Variants in BMERB1 observed in about 807,000 individuals in gnomAD.
The protein encoded by BMERB1 is bMERB domain-containing protein 1.
BMERB1 carries 12 observed loss-of-function variants against 23.6 expected under a neutral mutation model. The observed-to-expected ratio is 0.51, with a 90% CI of 0.33 to 0.82. The LOEUF is 0.82. Among genes scored for constraint, BMERB1 ranks in the 40% least tolerant of loss-of-function variants. The pLI, the probability that BMERB1 is intolerant of heterozygous loss-of-function variation, is 0.03. For synonymous variants in BMERB1, 122 were observed against 96.6 expected, an observed-to-expected ratio of 1.26 and a Z score of -1.54; for missense variants, 247 against 255.4, an observed-to-expected ratio of 0.97 and a Z score of 0.22.
chr16:15,481,740 G>T lies in BMERB1; in HGVS notation c.107-33565G>T, dbSNP rs1432497039. Among the ~76,000 whole-genome samples the T allele has an allele frequency of 4.1e-3, 472 of 114,504 alleles. 3 individuals carry two copies. Among genetic ancestry groups the T allele is most frequent in the African/African-American group, 0.012 (351 of 28,924 alleles). The allele number at this position is 114,504 out of a possible 152,430, so 75.1% of individuals were successfully genotyped here. ...TTTCTTTTCTTTCTTTTTTTTTTTT[G>T]AGATGGAGTCTCTCTCTGTCCCTCA... is the stretch of plus-strand genomic sequence containing the variant. On this transcript the variant is annotated intron_variant, in intron 1 of 5. Transcript: ENST00000300006.
intron 2 of BMERB1, among the ~76,000 whole-genome samples, chr16:15,567,143 A>G (rs2030591733): frequency 1.3e-5 from 2 of 152,138 alleles, no homozygotes; most frequent in South Asian, 2.1e-4. Flanking sequence ...GTAAGCTATG[A>G]TCACGCCACT....
intron 1 of BMERB1, among the ~76,000 whole-genome samples, 183 bp downstream of exon 1, chr16:15,434,942 G>A (rs367708384): frequency 6.6e-6 from 1 of 152,240 alleles, no homozygotes; most frequent in African/African-American, 2.4e-5. Flanking sequence ...CGAACAAAAG[G>A]GGGGGACCCT....
intron 2 of BMERB1, among the ~76,000 whole-genome samples, chr16:15,516,148 G>A (rs930327202): frequency 6.6e-6 from 1 of 152,126 alleles, no homozygotes. Flanking sequence ...TTAAGGCCAG[G>A]TGCAGTGGCT....
At chr16:15,436,956 A>T (rs1003373356) in intron 1 of BMERB1, among the ~76,000 whole-genome samples, 1 of 152,110 alleles carries the variant, frequency 6.6e-6, no homozygotes, top group South Asian at 2.1e-4. Flanking sequence ...AAAATAAAAA[A>T]TTTAAATATA....
chr16:15,502,410 C>G (rs1348876749), intron 1 of BMERB1: 1 of 1,500,066 alleles, frequency 6.7e-7, no homozygotes, highest in Non-Finnish European at 9.1e-7. Flanking sequence ...GTGGCATCCT[C>G]TCCACGAGGC....
chr16:15,549,657 G>C (rs1036322385), intron 2 of BMERB1, among the ~76,000 whole-genome samples: 1 of 150,362 alleles, frequency 6.7e-6, no homozygotes, highest in African/African-American at 2.5e-5. Flanking sequence ...CCATCCTGGC[G>C]ACAGAGTGAG....
intron 1 of BMERB1, among the ~76,000 whole-genome samples, chr16:15,439,886 A>T (rs566656266): frequency 6.6e-6 from 1 of 152,254 alleles, no homozygotes; most frequent in African/African-American, 2.4e-5. Context: ...TTAAAGGATG[A>T]TCAAGATTTT....
chr16:15,555,195 C>A (rs537740838), intron 2 of BMERB1, among the ~76,000 whole-genome samples: 91 of 152,204 alleles, frequency 6.0e-4, no homozygotes, highest in African/African-American at 2.0e-3. Context: ...CCTACCTCAG[C>A]CTCTCTGGTA....
At chr16:15,566,366 C>G (rs934045416) in intron 2 of BMERB1, among the ~76,000 whole-genome samples, 3 of 152,180 alleles carry the variant, frequency 2.0e-5, no homozygotes, top group Admixed American at 6.5e-5. Context: ...TTGGAAATTC[C>G]TACTACAATG....
rs972687417 is a variant in BMERB1 at position 15,468,943 on chromosome 16, C to T, written c.106+34184C>T. ...ATTGTTTGTTGAAAAGGCTTGACTTCCTCCAATAAATCATCTTCACACTTT... is the reference window on the plus strand; with the variant it reads ...ATTGTTTGTTGAAAAGGCTTGACTTTCTCCAATAAATCATCTTCACACTTT... On this transcript the variant is annotated intron_variant, in intron 1 of 5. Transcript: ENST00000300006. Among the ~76,000 whole-genome samples, 13 of 149,574 alleles carry T rather than the reference C, an allele frequency of 8.7e-5. No homozygotes were observed. In the Admixed American group the frequency reaches 8.7e-4, roughly 10 times the overall value.
At position 15,578,226 on chromosome 16, in the gene BMERB1, CTTTTTTT is replaced by C. The variant is rs72419431; in HGVS notation, c.305-2980_305-2974del. Among the ~76,000 whole-genome samples the C allele has an allele frequency of 1.4e-4, 17 of 121,000 alleles. No individual in the cohort carries two copies. The East Asian group carries it at 4.7e-3, about 33-fold the overall frequency. 79.4% of individuals were successfully genotyped at this position (121,000 alleles called of 152,430 possible). A position where few individuals can be genotyped will look rare whatever the true frequency, so the allele number is the denominator to read the frequency against. On this transcript the variant is annotated intron_variant, in intron 3 of 5. Transcript: ENST00000300006. ...GTGTCTGTGTGTCTTCTCTTCTCCTCTTTTTTTTTTTTTTTTTCTAAAAGACAGGGTC... is the reference window on the plus strand; with the variant it reads ...GTGTCTGTGTGTCTTCTCTTCTCCTCTTTTTTTTTTCTAAAAGACAGGGTC...
intron 3 of BMERB1, among the ~76,000 whole-genome samples, chr16:15,571,164 A>G (rs575959022): frequency 1.3e-5 from 2 of 151,830 alleles, no homozygotes; most frequent in Non-Finnish European, 2.9e-5. Context: ...AGATGGAGTC[A>G]CTGTAGTTCA....
rs750031843 is a variant in BMERB1 at position 15,515,438 on chromosome 16, T to C, written c.230+10T>C. 3 of 1,612,210 alleles carry C rather than the reference T, an allele frequency of 1.9e-6. No homozygotes were observed. Among genetic ancestry groups the C allele is most frequent in the Non-Finnish European group, 2.5e-6 (3 of 1,179,120 alleles). On this transcript the variant is annotated intron_variant, in intron 2 of 5. Transcript: ENST00000300006. Reference sequence around the variant, plus strand: ...CTGAGCTCAGGTTCATGTGAGTGTTTTGGGGATGTGGCCAAGGAAAGAAGT... The same window carrying C: ...CTGAGCTCAGGTTCATGTGAGTGTTCTGGGGATGTGGCCAAGGAAAGAAGT...
chr16:15,439,400 T>C (rs1463253909), intron 1 of BMERB1, among the ~76,000 whole-genome samples: 1 of 152,214 alleles, frequency 6.6e-6, no homozygotes, highest in Admixed American at 6.6e-5. Flanking sequence ...CCTCACATGC[T>C]GAAAGCGCTC....
intron 2 of BMERB1, among the ~76,000 whole-genome samples, chr16:15,555,209 G>T (rs2030218867): frequency 6.6e-6 from 1 of 152,006 alleles, no homozygotes; most frequent in African/African-American, 2.4e-5. Context: ...TCTGGTAGCT[G>T]GAACCACAGG....
intron 1 of BMERB1, among the ~76,000 whole-genome samples, chr16:15,445,698 T>TG (rs927751380): frequency 3.3e-5 from 5 of 152,258 alleles, no homozygotes; most frequent in Non-Finnish European, 4.4e-5. Context: ...GAATGTCACA[T>TG]GGGGGGAAAT....
At position 15,528,781 on chromosome 16, in the gene BMERB1, A is replaced by G. The variant is rs143274576; in HGVS notation, c.230+13353A>G. ...TACATATGTCGACATCTAATTCCCAATGTAATAATATCAAGAGGTGGGGCT... is the reference window on the plus strand; with the variant it reads ...TACATATGTCGACATCTAATTCCCAGTGTAATAATATCAAGAGGTGGGGCT... On this transcript the variant is annotated intron_variant, in intron 2 of 5. Coordinates refer to ENST00000300006, the MANE Select transcript of BMERB1 (RefSeq NM_033201.3). Among the ~76,000 whole-genome samples, 545 of 152,020 alleles carry G rather than the reference A, an allele frequency of 3.6e-3. 7 individuals carry two copies. Among genetic ancestry groups the G allele is most frequent in the African/African-American group, 0.012 (513 of 41,474 alleles).
At chr16:15,444,833 A>G (rs550785804) in intron 1 of BMERB1, among the ~76,000 whole-genome samples, 3 of 152,190 alleles carry the variant, frequency 2.0e-5, no homozygotes, top group Admixed American at 1.3e-4. Flanking sequence ...CCCCACCTCA[A>G]TCTTTTGCTA....
chr16:15,533,209 A>T (rs1472391553), intron 2 of BMERB1: 1 of 304,636 alleles, frequency 3.3e-6, no homozygotes, highest in Admixed American at 4.7e-5. Flanking sequence ...AGATACAGGC[A>T]TAAGTGTAGA....
Sources: gnomAD v4.1 joint callset for allele counts (sites outside exome capture counted in the v4.1 genomes callset) on GRCh38, gnomAD v4.1.1 for gene constraint, MANE v1.5 for transcripts, NCBI Gene and HGNC (gene_info 2026-07-23, HGNC 2026-07-21) for gene names.